NELL2: variants seen among roughly 807,000 people sequenced by gnomAD.
NELL2 encodes protein kinase C-binding protein NELL2.
In NELL2, 41 loss-of-function variants were observed where a neutral mutation model predicts 109.6. The observed-to-expected ratio is 0.37, with a 90% CI of 0.29 to 0.49. The LOEUF (loss-of-function observed/expected upper bound fraction) is 0.49, where lower values mean the gene tolerates loss of function less well. Ranked by LOEUF, NELL2 falls within the 20% of genes least tolerant of loss-of-function variation. The pLI, the probability that NELL2 is intolerant of heterozygous loss-of-function variation, is 0.98. For synonymous variants in NELL2, 355 were observed against 344.7 expected, an observed-to-expected ratio of 1.03 and a Z score of -0.33; for missense variants, 900 against 1,008.3, an observed-to-expected ratio of 0.89 and a Z score of 1.45.
intron 12 of NELL2, among the ~76,000 whole-genome samples, chr12:44,687,248 C>T (rs112197810): frequency 0.014 from 1,606 of 116,622 alleles, 30 homozygotes; most frequent in African/African-American, 0.04. Context: ...GAGGCAATGC[C>T]GCGCCCTGCT....
intron 13 of NELL2, among the ~76,000 whole-genome samples, chr12:44,640,464 TTAAG>T (rs551372536): frequency 8.5e-4 from 130 of 152,206 alleles, no homozygotes; most frequent in Non-Finnish European, 1.5e-3. Context: ...TCTATAAGCT[TTAAG>T]TAATTTATTT....
At chr12:44,594,448 G>A (rs906753231) in intron 15 of NELL2, among the ~76,000 whole-genome samples, 2 of 152,046 alleles carry the variant, frequency 1.3e-5, no homozygotes, top group African/African-American at 4.8e-5. Context: ...GAAAACCAGA[G>A]AAAAAGGGGG....
At chr12:44,873,908 A>T (rs1945238870) in intron 2 of NELL2, among the ~76,000 whole-genome samples, 1 of 152,168 alleles carries the variant, frequency 6.6e-6, no homozygotes, top group Non-Finnish European at 1.5e-5. Flanking sequence ...AGTGAATAAA[A>T]CATTACCATA....
chr12:44,919,365 T>C (rs1269201299), intron 1 of NELL2, among the ~76,000 whole-genome samples: 2 of 152,052 alleles, frequency 1.3e-5, no homozygotes, highest in African/African-American at 4.8e-5. Flanking sequence ...CAAACCTACA[T>C]AAATACCCAA....
intron 13 of NELL2, among the ~76,000 whole-genome samples, chr12:44,645,076 A>G (rs906041293): frequency 2.6e-4 from 40 of 152,258 alleles, no homozygotes; most frequent in African/African-American, 8.9e-4. Flanking sequence ...GTAATAGGAC[A>G]GAATATAGAA....
At chr12:44,848,158 C>T (rs769003479) in intron 2 of NELL2, among the ~76,000 whole-genome samples, 2 of 151,930 alleles carry the variant, frequency 1.3e-5, no homozygotes, top group Non-Finnish European at 2.9e-5. Flanking sequence ...CACTGAAGTG[C>T]AGCAGTGTTA....
chr12:44,875,209 A>C lies in NELL2; in HGVS notation c.184+16T>G. 1.2e-6 allele frequency: 2 copies of C among 1,604,060 alleles called. No individual in the cohort carries two copies. The highest frequency in any genetic ancestry group is 1.7e-6 in the Non-Finnish European group (2 of 1,173,102). On this transcript the variant is annotated intron_variant, in intron 2 of 19. Coordinates refer to ENST00000429094, the MANE Select transcript of NELL2 (RefSeq NM_001145108.2). Reference sequence around the variant, plus strand: ...GGAACTGAAATCACAGTGGGGATGCAGCACGCCGGGCATACCTTGAAAGAG... The same window carrying C: ...GGAACTGAAATCACAGTGGGGATGCCGCACGCCGGGCATACCTTGAAAGAG...
At chr12:44,684,547 G>A (rs938468288) in intron 12 of NELL2, among the ~76,000 whole-genome samples, 7 of 151,878 alleles carry the variant, frequency 4.6e-5, no homozygotes, top group Admixed American at 3.3e-4. Context: ...TTTCTCTTGT[G>A]GGCAATTAGT....
chr12:44,543,500 T>C (rs1273807980), intron 15 of NELL2, among the ~76,000 whole-genome samples: 1 of 152,168 alleles, frequency 6.6e-6, no homozygotes, highest in Non-Finnish European at 1.5e-5. Flanking sequence ...TCAGATCCTA[T>C]TTCCCATTCA....
intron 16 of NELL2, among the ~76,000 whole-genome samples, chr12:44,526,855 G>A (rs936162328): frequency 3.3e-5 from 5 of 152,156 alleles, no homozygotes; most frequent in African/African-American, 9.7e-5. Context: ...TATGTGTGTG[G>A]GGGGCTCAGA....
At chr12:44,817,465 T>C (rs1370342000) in intron 2 of NELL2, among the ~76,000 whole-genome samples, 1 of 152,086 alleles carries the variant, frequency 6.6e-6, no homozygotes, top group Non-Finnish European at 1.5e-5. Flanking sequence ...AGAAATGCTC[T>C]CAGAGAGGTA....
rs1207606787 is a variant in NELL2 at position 44,875,875 on chromosome 12, G to T, written c.-6C>A. The T allele has an allele frequency of 1.9e-6, 3 of 1,613,840 alleles. No individual in the cohort carries two copies. Among genetic ancestry groups the T allele is most frequent in the African/African-American group, 2.7e-5 (2 of 74,922 alleles). ...AGTAAGACCCGAGACTCCATGGTGC[G>T]GATCAGCTCAGTCCATCGTCTCCCT... On this transcript the variant is annotated 5_prime_UTR_variant, in exon 1 of 20. Coordinates refer to ENST00000429094, the MANE Select transcript of NELL2 (RefSeq NM_001145108.2).
intron 2 of NELL2, among the ~76,000 whole-genome samples, chr12:44,833,958 C>A (rs1943967802): frequency 6.6e-6 from 1 of 152,158 alleles, no homozygotes; most frequent in South Asian, 2.1e-4. Context: ...CATTTCCAAT[C>A]TGAATGCTAG....
chr12:44,619,630 C>T (rs949875594), intron 13 of NELL2, among the ~76,000 whole-genome samples: 19 of 151,324 alleles, frequency 1.3e-4, no homozygotes, highest in African/African-American at 3.7e-4. Flanking sequence ...AATGAGAAGG[C>T]GGCGGAAGAG....
chr12:44,571,133 C>A (rs1943857106), intron 15 of NELL2, among the ~76,000 whole-genome samples: 1 of 152,170 alleles, frequency 6.6e-6, no homozygotes, highest in African/African-American at 2.4e-5. Context: ...CAAAAGCCAT[C>A]TTAGCAGTGA....
At chr12:44,571,055 A>G (rs1943851682) in intron 15 of NELL2, among the ~76,000 whole-genome samples, 1 of 152,156 alleles carries the variant, frequency 6.6e-6, no homozygotes, top group South Asian at 2.1e-4. Context: ...CACAGCACAT[A>G]CTTTATATAC....
Position 44,508,853 on chromosome 12 carries a change from C to T in NELL2, c.*81G>A, listed in dbSNP as rs568173323. ...CTGCATTTAGCTGCCCACAAATCAC[C>T]CAATTTAAGTTTTAACTTCTTTTTG... is the stretch of plus-strand genomic sequence containing the variant. On this transcript the variant is annotated 3_prime_UTR_variant, in exon 20 of 20. Coordinates refer to ENST00000429094, the MANE Select transcript of NELL2 (RefSeq NM_001145108.2). The T allele has an allele frequency of 1.6e-6, 2 of 1,213,872 alleles. No individual in the cohort carries two copies. The highest frequency in any genetic ancestry group is 4.7e-5 in the East Asian group (2 of 42,174). The allele number at this position is 1,213,872 out of a possible 1,614,324, so 75.2% of individuals were successfully genotyped here. A position where few individuals can be genotyped will look rare whatever the true frequency, so the allele number is the denominator to read the frequency against.
Position 44,773,478 on chromosome 12 carries a change from GA to G in NELL2, c.994+1268del, listed in dbSNP as rs758962096. Among the ~76,000 whole-genome samples the G allele has an allele frequency of 1.7e-3, 246 of 144,832 alleles. 1 individual carries two copies. The highest frequency in any genetic ancestry group is 3.5e-3 in the Middle Eastern group (1 of 286). On this transcript the variant is annotated intron_variant, in intron 9 of 19. Coordinates refer to ENST00000429094, the MANE Select transcript of NELL2 (RefSeq NM_001145108.2). ...GCGACAGAGCGAGGCTCCGTCTCAA[GA>G]AAAAAAAAAAAGAAGTTAAGGCAAA...
intron 15 of NELL2, among the ~76,000 whole-genome samples, chr12:44,587,951 A>G (rs1009365855): frequency 4.6e-5 from 7 of 152,230 alleles, no homozygotes; most frequent in African/African-American, 7.2e-5. Flanking sequence ...GGAGATAGAG[A>G]CCATCCTGGC....
Sources: gnomAD v4.1 joint callset for allele counts (sites outside exome capture counted in the v4.1 genomes callset) on GRCh38, gnomAD v4.1.1 for gene constraint, MANE v1.5 for transcripts, NCBI Gene and HGNC (gene_info 2026-07-23, HGNC 2026-07-21) for gene names.